The following FAM149A variants were observed in gnomAD, a reference collection of about 807,000 sequenced individuals.
FAM149A encodes the protein protein FAM149A.
In FAM149A, 71 loss-of-function variants were observed where a neutral mutation model predicts 78.2. That is an observed-to-expected ratio of 0.91 (90% CI 0.75 to 1.11). The LOEUF is 1.11. FAM149A is among the 50% of genes least tolerant of loss of function. The pLI is 0.00. For synonymous variants in FAM149A, 446 were observed against 410.5 expected (o/e 1.09, Z -1.04); for missense variants, 1,036 against 971.0 (o/e 1.07, Z -0.89).
At chr4:186,158,934 G>T (rs902921176) in intron 8 of FAM149A, 1 of 391,466 alleles carries the variant, frequency 2.6e-6, no homozygotes, top group Non-Finnish European at 3.5e-6. Context: ...TGATATTCGG[G>T]TCTGTTTGCA....
At chr4:186,146,439 G>T in intron 1 of FAM149A, 2 of 985,236 alleles carry the variant, frequency 2.0e-6, no homozygotes, top group East Asian at 1.1e-4. Context: ...GGGAAGCCTG[G>T]TCCTGGAAAG....
At chr4:186,152,539 C>CTTTTTTTTTTTTTTTTTTTT (rs10718602) in intron 4 of FAM149A, among the ~76,000 whole-genome samples, 10 of 88,270 alleles carry the variant, frequency 1.1e-4, no homozygotes, top group South Asian at 4.7e-4. Flanking sequence ...TTTCTTTTTG[C>CTTTTTTTTTTTTTTTTTTTT]TTTTTTTTTT....
chr4:186,124,349 C>G (rs2009617), intron 1 of FAM149A: 118,731 of 328,968 alleles, frequency 0.36, 23,183 homozygotes, highest in East Asian at 0.59. Flanking sequence ...TGCCATGTTG[C>G]TGTGCTGCAC....
At chr4:186,158,038 T>C in intron 8 of FAM149A, 1 of 1,406,052 alleles carries the variant, frequency 7.1e-7, no homozygotes, top group South Asian at 1.2e-5. Flanking sequence ...CGATGGCATC[T>C]CTGTCATAAA....
chr4:186,123,749 C>A, intron 1 of FAM149A: 1 of 725,092 alleles, frequency 1.4e-6, no homozygotes, highest in Non-Finnish European at 1.7e-6. Flanking sequence ...TTCCTCTAAG[C>A]ATCCACAAAA....
chr4:186,112,298 T>C (rs1304318826), intron 1 of FAM149A, among the ~76,000 whole-genome samples: 1 of 149,602 alleles, frequency 6.7e-6, no homozygotes, highest in Non-Finnish European at 1.5e-5. Flanking sequence ...GATTTTGGGC[T>C]GAGACAGTGG....
chr4:186,158,775 C>A, intron 8 of FAM149A: 1 of 1,031,048 alleles, frequency 9.7e-7, no homozygotes, highest in Non-Finnish European at 1.2e-6. Context: ...CTCAGCCTGC[C>A]AGGCAAGCCT....
intron 8 of FAM149A, among the ~76,000 whole-genome samples, chr4:186,160,261 A>C (rs1476809338): frequency 1.4e-5 from 2 of 142,602 alleles, no homozygotes; most frequent in African/African-American, 5.3e-5. Flanking sequence ...CACACACTGC[A>C]CACACCCGAC....
intron 8 of FAM149A, chr4:186,158,889 G>A (rs965431512): frequency 2.5e-5 from 18 of 731,956 alleles, no homozygotes; most frequent in African/African-American, 3.8e-5. Flanking sequence ...AAATAAGGCC[G>A]ATGGAAAATA....
chr4:186,160,715 C>A, intron 8 of FAM149A: 1 of 857,272 alleles, frequency 1.2e-6, no homozygotes, highest in Non-Finnish European at 1.4e-6. Flanking sequence ...CCACACACCA[C>A]ACACACACCT....
chr4:186,146,854 G>T, intron 1 of FAM149A: 1 of 985,464 alleles, frequency 1.0e-6, no homozygotes, highest in Non-Finnish European at 1.2e-6. Context: ...ATTCTGTAGT[G>T]AAAATGAGTT....
rs150599616 is a variant in FAM149A at position 186,128,437 on chromosome 4, A to G, written c.567-20736A>G. On this transcript the variant is annotated intron_variant, in intron 1 of 13. Transcript: ENST00000389354. ...GTGCTCTGCAGGGACTCATGTTGCA[A>G]TTTTCTGTCTTTGGGAGCCACTCAG... 3.9e-3 allele frequency among the ~76,000 whole-genome samples: 593 copies of G among 151,772 alleles called. 1 individual carries two copies. Among genetic ancestry groups the G allele is most frequent in the Middle Eastern group, 6.8e-3 (2 of 294 alleles).
In FAM149A at chr4:186,164,754, G is replaced by A. The variant is rs1734888250; in HGVS notation, c.1890-590G>A. The stretch of plus-strand genomic sequence containing the variant: ...TAGAAACCCATTTATGTTTCCTACT[G>A]AGATACATTCAGATGCCACTAACTG... On this transcript the variant is annotated intron_variant, in intron 10 of 13. Coordinates refer to ENST00000389354, the MANE Select transcript of FAM149A (RefSeq NM_001367768.3). This position sits in a 1 kb window ranked among gnomAD's most constrained non-coding sequence, Gnocchi z 4.0. Among the ~76,000 whole-genome samples, 2 of 152,128 alleles carry A rather than the reference G, an allele frequency of 1.3e-5. 1 individual carries two copies. Among genetic ancestry groups the A allele is most frequent in the Admixed American group, 1.3e-4 (2 of 15,276 alleles).
At chr4:186,147,386 G>C (rs1043061522) in intron 1 of FAM149A, among the ~76,000 whole-genome samples, 2 of 152,148 alleles carry the variant, frequency 1.3e-5, no homozygotes, top group Non-Finnish European at 2.9e-5. Context: ...CCTGTGTCAA[G>C]TAATAATAAT....
chr4:186,132,906 A>T, intron 1 of FAM149A: 1 of 940,874 alleles, frequency 1.1e-6, no homozygotes, highest in Non-Finnish European at 1.3e-6. Context: ...GTCTTTCCCT[A>T]AATTCATGTT....
chr4:186,122,363 T>G (rs2099316450), intron 1 of FAM149A, among the ~76,000 whole-genome samples: 1 of 152,194 alleles, frequency 6.6e-6, no homozygotes, highest in Non-Finnish European at 1.5e-5. Flanking sequence ...AGAAGACACT[T>G]GGGGAAATTA....
Position 186,174,535 on chromosome 4 carries a change from T to C in FAM149A, c.*2548T>C, listed in dbSNP as rs1735665798. Among the ~76,000 whole-genome samples the C allele has an allele frequency of 8.9e-6, 1 of 111,766 alleles. No homozygotes were observed. The highest frequency in any genetic ancestry group is 2.8e-5 in the African/African-American group (1 of 35,700). 73.3% of individuals were successfully genotyped at this position (111,766 alleles called of 152,430 possible). On this transcript the variant is annotated 3_prime_UTR_variant, in exon 14 of 14. Coordinates refer to ENST00000389354, the MANE Select transcript of FAM149A (RefSeq NM_001367768.3). ...TCTTTGAAAACCACTGAATATACTT[T>C]ATGGTAGCTTTACCTTGTTTGGCTC...
chr4:186,125,388 G>T (rs1404900931), intron 1 of FAM149A: 1 of 950,494 alleles, frequency 1.1e-6, no homozygotes, highest in Non-Finnish European at 1.3e-6. Flanking sequence ...GATAGCCACT[G>T]CTGAGGGAAG....
At chr4:186,158,859 A>G (rs1734286838) in intron 8 of FAM149A, 1 of 946,664 alleles carries the variant, frequency 1.1e-6, no homozygotes, top group Non-Finnish European at 1.3e-6. Flanking sequence ...CTGTTCTTCC[A>G]CAGGCCACCA....
Sources: gnomAD v4.1 joint callset for allele counts (sites outside exome capture counted in the v4.1 genomes callset) on GRCh38, gnomAD v4.1.1 for gene constraint, Gnocchi (gnomAD v3.1) non-coding constraint, MANE v1.5 for transcripts, NCBI Gene and HGNC (gene_info 2026-07-23, HGNC 2026-07-21) for gene names.